The following CAPRIN2 variants were observed in gnomAD, a reference collection of about 807,000 sequenced individuals.
CAPRIN2 encodes the protein caprin family member 2.
Under a neutral mutation model 130.4 loss-of-function variants are expected in CAPRIN2, and 66 were observed. The ratio of observed to expected loss-of-function variants is 0.51; its 90% confidence interval spans 0.42 to 0.62. CAPRIN2 has a LOEUF of 0.62. Ranked by LOEUF, CAPRIN2 falls within the 20% of genes least tolerant of loss-of-function variation. The pLI is 0.00. For synonymous variants in CAPRIN2, 471 were observed against 444.1 expected (o/e 1.06, Z -0.76); for missense variants, 1,185 against 1,246.6 (o/e 0.95, Z 0.74).
At chr12:30,711,779 A>C (rs1410916736) in intron 15 of CAPRIN2, 150 bp from the exon 18 acceptor site, 3 of 720,016 alleles carry the variant, frequency 4.2e-6, no homozygotes, top group Non-Finnish European at 7.6e-6. Context: ...GATGTTTCCA[A>C]ACACTAAGAA....
At chr12:30,744,307 T>A (rs1254298888) in intron 2 of CAPRIN2, among the ~76,000 whole-genome samples, 1 of 152,202 alleles carries the variant, frequency 6.6e-6, no homozygotes, top group African/African-American at 2.4e-5. Flanking sequence ...CATTGCAAAG[T>A]GATTTTTTTA....
chr12:30,747,415 C>T (rs2139601852), intron 2 of CAPRIN2, among the ~76,000 whole-genome samples: 1 of 152,260 alleles, frequency 6.6e-6, no homozygotes, highest in East Asian at 1.9e-4. Flanking sequence ...TGATGGCTCA[C>T]ACCTGTAATC....
chr12:30,734,849 AACACACACACACACACACACAC>A (rs10557103), intron 4 of CAPRIN2, 97 bp downstream of exon 5: 21 of 626,750 alleles, frequency 3.4e-5, no homozygotes, highest in Non-Finnish European at 3.7e-5. Context: ...CCCCCTCTCT[AACACACACACACACACACACAC>A]ACACACACAC....
chr12:30,736,993 A>G (rs566273347), intron 3 of CAPRIN2, among the ~76,000 whole-genome samples: 56 of 152,178 alleles, frequency 3.7e-4, no homozygotes, highest in Admixed American at 3.4e-3. Context: ...TTCCCCTATC[A>G]AAGTATTTTT....
At chr12:30,720,650 G>A (rs999380415) in intron 12 of CAPRIN2, 161 bp downstream of exon 13, 3 of 545,620 alleles carry the variant, frequency 5.5e-6, no homozygotes, top group Non-Finnish European at 9.9e-6. Context: ...CTACAATAAA[G>A]TTACCTGTAA....
chr12:30,733,227 T>TA (rs1237659429), intron 5 of CAPRIN2, among the ~76,000 whole-genome samples: 1 of 152,160 alleles, frequency 6.6e-6, no homozygotes, highest in African/African-American at 2.4e-5. Flanking sequence ...TTCAATAGAC[T>TA]ATAAAACCAT....
intron 13 of CAPRIN2, chr12:30,716,293 T>A (rs1315137820): frequency 2.1e-6 from 1 of 467,784 alleles, no homozygotes; most frequent in Non-Finnish European, 3.7e-6. Flanking sequence ...AAATCCGTCA[T>A]CTAAGTTCTA....
chr12:30,723,303 G>A lies in CAPRIN2; in HGVS notation c.1999C>T (p.Gln667Ter). 1 of 1,611,544 alleles carries A rather than the reference G, an allele frequency of 6.2e-7. No homozygotes were observed. Among genetic ancestry groups the A allele is most frequent in the Non-Finnish European group, 8.5e-7 (1 of 1,178,106 alleles). The change falls in exon 11 of 17, where the codon CAA becomes TAA. Residue 667 changes from glutamine to a stop codon, truncating the protein, a stop_gained. Transcript: ENST00000298892. LOFTEE classifies it high-confidence loss of function. ...AAATCACTTTGACTGGACAGATTTT[G>A]TTCTTTAGATGCTGCAAGGAGTAAA...
At chr12:30,734,213 T>C (rs1477710778) in intron 4 of CAPRIN2, among the ~76,000 whole-genome samples, 1 of 152,182 alleles carries the variant, frequency 6.6e-6, no homozygotes, top group Non-Finnish European at 1.5e-5. Context: ...AATTAAAAAA[T>C]ACATGGCTAT....
intron 2 of CAPRIN2, among the ~76,000 whole-genome samples, chr12:30,743,135 G>A (rs975248282): frequency 6.9e-5 from 5 of 72,448 alleles, no homozygotes; most frequent in Admixed American, 6.1e-4. Flanking sequence ...CCCCGCCCCC[G>A]CTTCTACCTG....
At chr12:30,725,341 A>G (rs757393147) in intron 9 of CAPRIN2, among the ~76,000 whole-genome samples, 10 of 152,202 alleles carry the variant, frequency 6.6e-5, no homozygotes, top group Non-Finnish European at 1.0e-4. Context: ...CATTTTGCAA[A>G]TAAGTGTTGG....
chr12:30,719,596 G>A (rs73079966), intron 12 of CAPRIN2: 11,743 of 160,636 alleles, frequency 0.073, 498 homozygotes, highest in Middle Eastern at 0.14. Context: ...TGGATTAGTT[G>A]TTTAGTGTTA....
In CAPRIN2 at chr12:30,753,453, A is replaced by AG. The variant is rs1400902916; in HGVS notation, c.310dup (p.Leu104ProfsTer16). On this transcript the variant is annotated frameshift_variant, in exon 1 of 17. Transcript: ENST00000298892. LOFTEE classifies it high-confidence loss of function. ...TGCAGCAGAACTCAGAGTAGACTGC[A>AG]GGGGGCTCAAGGCCCGCTGGCTTTC... 5 of 1,614,056 alleles carry AG rather than the reference A, an allele frequency of 3.1e-6. No homozygotes were observed. In the Admixed American group the frequency reaches 8.3e-5, roughly 27 times the overall value.
intron 3 of CAPRIN2, among the ~76,000 whole-genome samples, chr12:30,740,336 A>AGCATGC (rs2066874183): frequency 1.3e-5 from 2 of 152,176 alleles, no homozygotes; most frequent in African/African-American, 4.8e-5. Context: ...AGATTATCTT[A>AGCATGC]TGAGGCATGC....
chr12:30,734,875 C>T, intron 4 of CAPRIN2, 93 bp downstream of exon 5: 1 of 784,800 alleles, frequency 1.3e-6, no homozygotes, highest in Admixed American at 1.8e-5. Context: ...CACACACACA[C>T]ACACACACAC....
intron 3 of CAPRIN2, among the ~76,000 whole-genome samples, chr12:30,739,720 A>G (rs2066524669): frequency 6.6e-6 from 1 of 151,878 alleles, no homozygotes; most frequent in Admixed American, 6.6e-5. Context: ...GTCTCAAAAA[A>G]AAAAAAAAAA....
chr12:30,734,327 G>C (rs923888197), intron 4 of CAPRIN2, among the ~76,000 whole-genome samples: 1 of 152,092 alleles, frequency 6.6e-6, no homozygotes, highest in Non-Finnish European at 1.5e-5. Context: ...CAAATACAAA[G>C]CTGGAATAGC....
chr12:30,752,963 C>A (rs550553629), intron 1 of CAPRIN2, among the ~76,000 whole-genome samples: 2 of 152,288 alleles, frequency 1.3e-5, no homozygotes, highest in Admixed American at 6.5e-5. Context: ...AACCTTCCAA[C>A]GACTGCAGCA....
intron 2 of CAPRIN2, among the ~76,000 whole-genome samples, chr12:30,749,191 G>A (rs1020730917): frequency 2.6e-5 from 4 of 152,174 alleles, no homozygotes; most frequent in African/African-American, 9.7e-5. Flanking sequence ...GATGTCTGAG[G>A]AGCAGCAAGG....
Sources: allele counts gnomAD v4.1 joint callset (sites outside exome capture counted in the v4.1 genomes callset), GRCh38; gene constraint gnomAD v4.1.1; transcripts MANE v1.5; gene names NCBI Gene and HGNC (gene_info 2026-07-23, HGNC 2026-07-21).